CELF2: variants seen among roughly 807,000 people sequenced by gnomAD.
CELF2 encodes the protein CUG triplet repeat RNA-binding protein 2.
In CELF2, 8 loss-of-function variants were observed where a neutral mutation model predicts 62.6. The observed-to-expected ratio is 0.13, with a 90% CI of 0.07 to 0.23. The LOEUF (loss-of-function observed/expected upper bound fraction) is 0.23, where lower values mean the gene tolerates loss of function less well. Ranked by LOEUF, CELF2 falls within the 10% of genes least tolerant of loss-of-function variation. CELF2 has a pLI of 1.00. For synonymous variants in CELF2, 258 were observed against 250.0 expected, an observed-to-expected ratio of 1.03 and a Z score of -0.30; for missense variants, 333 against 671.0, an observed-to-expected ratio of 0.50 and a Z score of 5.56.
At chr10:10,548,502 G>C in the CELF2 span, among the ~76,000 whole-genome samples, 3 of 152,168 alleles carry the variant, frequency 2.0e-5, no homozygotes, top group Non-Finnish European at 4.4e-5. Context: ...GAATCATTTA[G>C]TATGTTTGCC....
At position 11,006,225 on chromosome 10, in the gene CELF2, T is replaced by G. The variant is rs1439491661; in HGVS notation, c.53+785T>G. On this transcript the variant is annotated intron_variant, in intron 1 of 12. Coordinates refer to the CELF2 transcript ENST00000416382. Reference sequence around the variant, plus strand: ...TGAACAATGCAGCTGTCAAACTAGCTTAATGCATGTCTGGGGCTTTATTTT... The same window carrying G: ...TGAACAATGCAGCTGTCAAACTAGCGTAATGCATGTCTGGGGCTTTATTTT... Among the ~76,000 whole-genome samples, 19 of 152,254 alleles carry G rather than the reference T, an allele frequency of 1.2e-4. 1 individual carries two copies. Among genetic ancestry groups the G allele is most frequent in the Admixed American group, 1.2e-3 (19 of 15,286 alleles).
chr10:10,921,558 G>A (rs1303222911), intron 2 of CELF2, among the ~76,000 whole-genome samples: 6 of 152,200 alleles, frequency 3.9e-5, no homozygotes, highest in African/African-American at 1.2e-4. Context: ...GTGAGCCACC[G>A]TGCCTGGCCA....
At chr10:11,317,561 C>T (rs1441142222) in intron 10 of CELF2, 1 of 152,248 alleles carries the variant, frequency 6.6e-6, no homozygotes, top group East Asian at 1.9e-4. Flanking sequence ...AGACATTCTC[C>T]CTTTTTCTTT....
intron 1 of CELF2, among the ~76,000 whole-genome samples, chr10:11,047,575 C>T (rs1040028746): frequency 2.0e-5 from 3 of 152,248 alleles, no homozygotes; most frequent in Admixed American, 6.5e-5. Context: ...GTTATAGCAT[C>T]GTCTTTGATT....
the CELF2 span, among the ~76,000 whole-genome samples, chr10:10,698,584 G>A: frequency 3.9e-5 from 6 of 152,156 alleles, no homozygotes; most frequent in Non-Finnish European, 8.8e-5. Context: ...TAAACTGCAG[G>A]TCTGGGTGAG....
chr10:10,660,556 C>G, the CELF2 span, among the ~76,000 whole-genome samples: 1 of 152,216 alleles, frequency 6.6e-6, no homozygotes, highest in Non-Finnish European at 1.5e-5. Flanking sequence ...CAGTACTTCT[C>G]TTAGGCACTC....
chr10:10,905,355 A>G (rs2063246991), intron 1 of CELF2, among the ~76,000 whole-genome samples: 1 of 152,226 alleles, frequency 6.6e-6, no homozygotes, highest in Non-Finnish European at 1.5e-5. Flanking sequence ...ATGAAATACT[A>G]TTTATTCACC....
rs1172894260 is a variant in CELF2, at chr10:11,336,092, A to T, written c.*7039A>T. 1 of 152,676 alleles carries T rather than the reference A, an allele frequency of 6.5e-6. No individual in the cohort carries two copies. The highest frequency in any genetic ancestry group is 2.4e-5 in the African/African-American group (1 of 41,444). 9.5% of individuals were successfully genotyped at this position (152,676 alleles called of 1,614,324 possible). ...CCATCAACATCCGCCTTGCTGATGG[A>T]AGCCACACACGCTGCCCAGCCCACA... On this transcript the variant is annotated 3_prime_UTR_variant, in exon 13 of 13. Coordinates refer to ENST00000633077, the MANE Select transcript of CELF2 (RefSeq NM_001326342.2). The surrounding 1 kb of genome is among the most constrained non-coding windows in gnomAD (Gnocchi z 5.4).
In CELF2 at chr10:11,243,578, G is replaced by A. The variant is rs532018443; in HGVS notation, c.355-5575G>A. ...GTGAGAGGACCAGAGATCTCCTGTC[G>A]TCTTCCAGGCTTGCTGCAAGTGCAG... On this transcript the variant is annotated intron_variant, in intron 3 of 12. Transcript: ENST00000633077. The surrounding 1 kb of genome is among the most constrained non-coding windows in gnomAD (Gnocchi z 4.1). Among the ~76,000 whole-genome samples, 89 of 152,298 alleles carry A rather than the reference G, an allele frequency of 5.8e-4. No individual in the cohort carries two copies. Among genetic ancestry groups the A allele is most frequent in the African/African-American group, 1.9e-3 (77 of 41,554 alleles).
At chr10:11,105,223 A>G (rs563026670) in intron 1 of CELF2, among the ~76,000 whole-genome samples, 1 of 152,330 alleles carries the variant, frequency 6.6e-6, no homozygotes, top group South Asian at 2.1e-4. Context: ...ATTGAAAGTA[A>G]TGATTCTGGA....
chr10:10,501,785 G>T, the CELF2 span, among the ~76,000 whole-genome samples: 5 of 152,198 alleles, frequency 3.3e-5, no homozygotes, highest in East Asian at 7.7e-4. Context: ...TAATGAACTG[G>T]CTAGAACTTT....
chr10:11,314,295 C>T lies in CELF2; in HGVS notation c.1096+37C>T. On this transcript the variant is annotated intron_variant, in intron 10 of 12. Transcript: ENST00000633077. This position sits in a 1 kb window ranked among gnomAD's most constrained non-coding sequence, Gnocchi z 5.3. ...AGTGAGTATTTGCTGCTCTGGTGGA[C>T]AGCCTTCCCCCAAATTCTCCACAGA... 1 of 1,613,928 alleles carries T rather than the reference C, an allele frequency of 6.2e-7. No homozygotes were observed.
the CELF2 span, among the ~76,000 whole-genome samples, chr10:10,577,392 T>C: frequency 5.2e-4 from 79 of 150,578 alleles, 1 homozygote; most frequent in Middle Eastern, 3.5e-3. Flanking sequence ...ATTATTATTA[T>C]TATACTTTAA....
chr10:11,115,218 G>T (rs1205426457), intron 1 of CELF2, among the ~76,000 whole-genome samples: 2 of 152,238 alleles, frequency 1.3e-5, no homozygotes, highest in Non-Finnish European at 2.9e-5. Flanking sequence ...AACTTCGTTT[G>T]ATTGGTAACA....
chr10:10,731,088 T>A, the CELF2 span, among the ~76,000 whole-genome samples: 1 of 152,116 alleles, frequency 6.6e-6, no homozygotes, highest in African/African-American at 2.4e-5. Context: ...TTCACAATCA[T>A]CTCAACCTAT....
intron 2 of CELF2, among the ~76,000 whole-genome samples, chr10:10,974,712 C>G (rs911356004): frequency 2.0e-5 from 3 of 152,184 alleles, no homozygotes; most frequent in Non-Finnish European, 4.4e-5. Context: ...GGCTGTATTG[C>G]TATTTTTCCC....
chr10:10,645,710 G>A, the CELF2 span, among the ~76,000 whole-genome samples: 1 of 152,190 alleles, frequency 6.6e-6, no homozygotes, highest in Non-Finnish European at 1.5e-5. Flanking sequence ...CTTCCAGAGT[G>A]CAGGGAGAGT....
chr10:10,696,325 G>A, the CELF2 span, among the ~76,000 whole-genome samples: 80 of 151,742 alleles, frequency 5.3e-4, no homozygotes, highest in Non-Finnish European at 1.1e-3. Flanking sequence ...AGGGGTCAGG[G>A]GTCAGGGACC....
chr10:11,058,529 C>T (rs750066730), intron 1 of CELF2, among the ~76,000 whole-genome samples: 3 of 133,580 alleles, frequency 2.2e-5, no homozygotes, highest in Admixed American at 1.8e-4. Flanking sequence ...TGCGGTGGTG[C>T]GATCTCGACT....
Sources: gnomAD v4.1 joint callset for allele counts (sites outside exome capture counted in the v4.1 genomes callset) on GRCh38, gnomAD v4.1.1 for gene constraint, Gnocchi (gnomAD v3.1) non-coding constraint, MANE v1.5 for transcripts, NCBI Gene and HGNC (gene_info 2026-07-23, HGNC 2026-07-21) for gene names.